DMXL1: variants seen among roughly 807,000 people sequenced by gnomAD.
DMXL1 encodes the protein dmX-like protein 1.
Under a neutral mutation model 319.2 loss-of-function variants are expected in DMXL1, and 99 were observed. The observed-to-expected ratio is 0.31, with a 90% CI of 0.26 to 0.37. The LOEUF (loss-of-function observed/expected upper bound fraction) is 0.37. Ranked by LOEUF, DMXL1 falls within the 10% of genes least tolerant of loss-of-function variation. The probability of loss-of-function intolerance (pLI) is 1.00; values close to 1 mark genes in which losing one functional copy is unlikely to be tolerated. For synonymous variants in DMXL1, 1,385 were observed against 1,235.2 expected (o/e 1.12, Z -2.54); for missense variants, 3,745 against 3,595.6 (o/e 1.04, Z -1.06).
chr5:119,202,882 T>TA (rs879489303), intron 32 of DMXL1, among the ~76,000 whole-genome samples: 23,029 of 110,508 alleles, frequency 0.21, 2,522 homozygotes, highest in East Asian at 0.34. Flanking sequence ...TATATATATA[T>TA]TTTTATATAT....
intron 28 of DMXL1, among the ~76,000 whole-genome samples, chr5:119,186,353 C>T (rs1162996668): frequency 6.6e-6 from 1 of 152,066 alleles, no homozygotes; most frequent in African/African-American, 2.4e-5. Context: ...TCACTGCAAC[C>T]TCCACCTCCT....
chr5:119,145,723 C>G (rs994438212), intron 15 of DMXL1, among the ~76,000 whole-genome samples: 8 of 151,404 alleles, frequency 5.3e-5, no homozygotes, highest in Non-Finnish European at 1.0e-4. Flanking sequence ...TATTTTAATT[C>G]TCTTTAAGGC....
intron 40 of DMXL1, among the ~76,000 whole-genome samples, chr5:119,238,461 G>A (rs1442269577): frequency 1.3e-5 from 2 of 152,052 alleles, no homozygotes; most frequent in Non-Finnish European, 2.9e-5. Flanking sequence ...TAATTTTGAT[G>A]ACTATTAGTA....
rs142536855 is a variant in DMXL1 at position 119,163,871 on chromosome 5, G to A, written c.4703-636G>A. Among the ~76,000 whole-genome samples the A allele has an allele frequency of 3.4e-3, 517 of 152,182 alleles. 4 individuals carry two copies. The highest frequency in any genetic ancestry group is 0.012 in the African/African-American group (508 of 41,514). The stretch of plus-strand genomic sequence containing the variant: ...ATTACAGGCATGAGCCAGCGCGCCC[G>A]GCCTAATTGTACGTTTTTTGAGTAG... On this transcript the variant is annotated intron_variant, in intron 19 of 43. Coordinates refer to ENST00000539542, the MANE Select transcript of DMXL1 (RefSeq NM_001290321.3).
intron 18 of DMXL1, among the ~76,000 whole-genome samples, chr5:119,151,686 C>T (rs1327280862): frequency 2.6e-5 from 4 of 152,130 alleles, no homozygotes; most frequent in Non-Finnish European, 5.9e-5. Context: ...AATAAGATTT[C>T]AGTCAGAAGA....
At chr5:119,237,254 T>C in intron 39 of DMXL1, 68 bp from the exon 40 acceptor site, 1 of 919,748 alleles carries the variant, frequency 1.1e-6, no homozygotes, top group Non-Finnish European at 1.6e-6. Flanking sequence ...GGTGTCACAC[T>C]GAGGGTAAGG....
rs369293228 is a variant in DMXL1 at position 119,186,837 on chromosome 5, G to A, written c.7136-2871G>A. Reference sequence around the variant, plus strand: ...AAAGGATTGTTAAGGGAAGGAAGGTGTATTTGTCTGTACAGTCTACTATCT... The same window carrying A: ...AAAGGATTGTTAAGGGAAGGAAGGTATATTTGTCTGTACAGTCTACTATCT... On this transcript the variant is annotated intron_variant, in intron 28 of 43. Coordinates refer to ENST00000539542, the MANE Select transcript of DMXL1 (RefSeq NM_001290321.3). Among the ~76,000 whole-genome samples, 7 of 146,340 alleles carry A rather than the reference G, an allele frequency of 4.8e-5. No individual in the cohort carries two copies. The South Asian group carries it at 1.1e-3, about 24-fold the overall frequency.
intron 13 of DMXL1, among the ~76,000 whole-genome samples, chr5:119,141,167 T>C (rs78095262): frequency 3.3e-5 from 5 of 152,160 alleles, no homozygotes; most frequent in African/African-American, 1.2e-4. Flanking sequence ...GGGCAAAAGC[T>C]GGAAGCATTC....
chr5:119,120,899 A>G (rs541558194), intron 8 of DMXL1, 72 bp from the exon 9 acceptor site: 3 of 1,222,306 alleles, frequency 2.5e-6, no homozygotes, highest in Non-Finnish European at 3.3e-6. Flanking sequence ...GTAACTTCTG[A>G]CAATCATTAT....
At chr5:119,162,289 G>T (rs1772440676) in intron 19 of DMXL1, among the ~76,000 whole-genome samples, 1 of 152,214 alleles carries the variant, frequency 6.6e-6, no homozygotes, top group Non-Finnish European at 1.5e-5. Flanking sequence ...TTTCTAATCT[G>T]TGGCTAGTTG....
intron 9 of DMXL1, among the ~76,000 whole-genome samples, chr5:119,122,306 C>T (rs1368648820): frequency 9.7e-5 from 14 of 144,944 alleles, no homozygotes; most frequent in Admixed American, 2.0e-4. Flanking sequence ...GCTGGCCGGG[C>T]GGGGGGCTGA....
intron 1 of DMXL1, among the ~76,000 whole-genome samples, chr5:119,079,891 G>A (rs1017221195): frequency 1.3e-5 from 2 of 152,078 alleles, no homozygotes; most frequent in African/African-American, 2.4e-5. Flanking sequence ...TTTCTTGTCT[G>A]TCCCTTAAAT....
intron 4 of DMXL1, among the ~76,000 whole-genome samples, chr5:119,108,839 T>C (rs1281086974): frequency 6.6e-6 from 1 of 152,164 alleles, no homozygotes; most frequent in Non-Finnish European, 1.5e-5. Flanking sequence ...TTCGCTCTTG[T>C]TGCTCAGGCT....
intron 1 of DMXL1, among the ~76,000 whole-genome samples, chr5:119,072,815 G>T (rs1749930003): frequency 6.6e-6 from 1 of 152,014 alleles, no homozygotes. Context: ...CTTAATTATC[G>T]GGATTCCAAT....
At chr5:119,109,539 A>C (rs1327899705) in intron 4 of DMXL1, among the ~76,000 whole-genome samples, 4 of 152,210 alleles carry the variant, frequency 2.6e-5, no homozygotes, top group African/African-American at 7.2e-5. Context: ...TTTCCGTAGT[A>C]ATTTTTTTTC....
Position 119,094,621 on chromosome 5 carries a change from C to A in DMXL1, c.88-3358C>A, listed in dbSNP as rs550143929. Reference sequence around the variant, plus strand: ...TATTTAAGAAAGTTATTTCATAAGGCTATAGCTGCTATAGATAATGATTCC... The same window carrying A: ...TATTTAAGAAAGTTATTTCATAAGGATATAGCTGCTATAGATAATGATTCC... On this transcript the variant is annotated intron_variant, in intron 1 of 43. Transcript: ENST00000539542. 7.2e-5 allele frequency among the ~76,000 whole-genome samples: 11 copies of A among 152,266 alleles called. No homozygotes were observed. The East Asian group carries it at 1.7e-3, about 24-fold the overall frequency.
At chr5:119,199,650 C>T (rs949211627) in intron 32 of DMXL1, among the ~76,000 whole-genome samples, 2 of 152,310 alleles carry the variant, frequency 1.3e-5, no homozygotes. Context: ...ATACTGCTTT[C>T]CACAATGATT....
At position 119,209,196 on chromosome 5, in the gene DMXL1, C is replaced by G. The variant is rs149782102; in HGVS notation, c.7926+2300C>G. ...AAAAGTCACATTTTATGGAAAAATG[C>G]TTTCATTTCTCTTGTGTAAATGCCT... On this transcript the variant is annotated intron_variant, in intron 34 of 43. Transcript: ENST00000539542. Among the ~76,000 whole-genome samples the G allele has an allele frequency of 5.7e-3, 862 of 152,136 alleles. 9 individuals are homozygous for G. The highest frequency in any genetic ancestry group is 0.02 in the African/African-American group (829 of 41,534).
At chr5:119,084,938 TGAGCATGGA>T (rs1753023345) in intron 1 of DMXL1, among the ~76,000 whole-genome samples, 1 of 152,008 alleles carries the variant, frequency 6.6e-6, no homozygotes, top group Non-Finnish European at 1.5e-5. Flanking sequence ...TTCCAATCCA[TGAGCATGGA>T]ATATCTTTCC....
Sources: gnomAD v4.1 joint callset for allele counts (sites outside exome capture counted in the v4.1 genomes callset) on GRCh38, gnomAD v4.1.1 for gene constraint, MANE v1.5 for transcripts, NCBI Gene and HGNC (gene_info 2026-07-23, HGNC 2026-07-21) for gene names.